KIAA1549: variants seen among roughly 807,000 people sequenced by gnomAD.
The protein encoded by KIAA1549 is UPF0606 protein KIAA1549.
In KIAA1549, 70 loss-of-function variants were observed where a neutral mutation model predicts 156.4. The ratio of observed to expected loss-of-function variants is 0.45; its 90% CI spans 0.37 to 0.55. The LOEUF (loss-of-function observed/expected upper bound fraction) is 0.55, where lower values mean the gene tolerates loss of function less well. KIAA1549 is among the 20% of genes least tolerant of loss of function. KIAA1549 has a pLI of 0.00. For missense variants in KIAA1549, 2,428 were observed against 2,540.9 expected, an observed-to-expected ratio of 0.96 and a Z score of 0.96; for synonymous variants, 1,103 against 1,066.4, an observed-to-expected ratio of 1.03 and a Z score of -0.67.
chr7:138,871,322 T>C lies in KIAA1549; in HGVS notation c.4386A>G (p.Ser1462=). ...TGTCCACGTGCTCGAAGATGGAGGC[T>C]GATGAGTGCTGCTCATTTCCCGAAC... ...LPSSGNEQHS[S]ASIFEHVDRI... Residue 1462 remains serine (S), a synonymous_variant, in exon 13 of 20, where the codon TCA becomes TCG. Coordinates refer to ENST00000422774, the MANE Select transcript of KIAA1549 (RefSeq NM_001164665.2). The C allele has an allele frequency of 6.3e-7, 1 of 1,595,558 alleles. No homozygotes were observed. Among genetic ancestry groups the C allele is most frequent in the Non-Finnish European group, 8.5e-7 (1 of 1,170,742 alleles).
chr7:138,890,752 G>A (rs1404782784), intron 10 of KIAA1549, among the ~76,000 whole-genome samples: 1 of 152,218 alleles, frequency 6.6e-6, no homozygotes, highest in African/African-American at 2.4e-5. Flanking sequence ...TCAATTCACT[G>A]TCCATACTGC....
At chr7:138,976,724 G>C (rs1458740053) in intron 1 of KIAA1549, among the ~76,000 whole-genome samples, 2 of 152,198 alleles carry the variant, frequency 1.3e-5, no homozygotes, top group African/African-American at 4.8e-5. Context: ...CAGATAAGGA[G>C]GGACTACTAT....
In KIAA1549 at chr7:138,844,249, C is replaced by T. The variant is rs185338056; in HGVS notation, c.5452+68G>A. 4.5e-4 allele frequency: 706 copies of T among 1,584,254 alleles called. 9 individuals are homozygous for T. In the East Asian group the frequency reaches 0.013, roughly 29 times the overall value. Reference sequence around the variant, plus strand: ...TCTGCACACTGACACTCTGAGACACCTAAAATAAAGTTTCTTTCAAGTAAA... The same window carrying T: ...TCTGCACACTGACACTCTGAGACACTTAAAATAAAGTTTCTTTCAAGTAAA... On this transcript the variant is annotated intron_variant, in intron 18 of 19. Transcript: ENST00000422774.
chr7:138,886,275 A>C (rs1811388221), intron 10 of KIAA1549, among the ~76,000 whole-genome samples: 2 of 152,002 alleles, frequency 1.3e-5, no homozygotes, highest in South Asian at 4.1e-4. Context: ...TCTGTGACCT[A>C]AGGTCTTTTT....
At chr7:138,910,679 T>C (rs1388770543) in intron 4 of KIAA1549, among the ~76,000 whole-genome samples, 1 of 150,846 alleles carries the variant, frequency 6.6e-6, no homozygotes, top group Non-Finnish European at 1.5e-5. Context: ...ATTACAGGCA[T>C]GAGCCATCGC....
intron 1 of KIAA1549, among the ~76,000 whole-genome samples, chr7:138,923,852 A>G (rs977042670): frequency 3.9e-5 from 6 of 152,218 alleles, no homozygotes; most frequent in Admixed American, 6.5e-5. Context: ...TGTAAATAAT[A>G]TTTAGTGCCA....
At chr7:138,946,721 G>C (rs1813348104) in intron 1 of KIAA1549, among the ~76,000 whole-genome samples, 1 of 152,206 alleles carries the variant, frequency 6.6e-6, no homozygotes, top group Non-Finnish European at 1.5e-5. Flanking sequence ...AGAAGTTGCA[G>C]TGAGCCGAGA....
chr7:138,872,145 C>T (rs1810954151), intron 12 of KIAA1549, among the ~76,000 whole-genome samples: 1 of 151,982 alleles, frequency 6.6e-6, no homozygotes, highest in Non-Finnish European at 1.5e-5. Context: ...CAAGGTTTCA[C>T]GATATTGTCC....
intron 1 of KIAA1549, among the ~76,000 whole-genome samples, chr7:138,951,331 T>G (rs1321826256): frequency 6.6e-6 from 1 of 152,092 alleles, no homozygotes; most frequent in Non-Finnish European, 1.5e-5. Flanking sequence ...CTCCCACTTC[T>G]TTAGATCTCT....
rs1809568504 is a variant in KIAA1549, at chr7:138,832,562, A to C, written c.*5344T>G. 1 of 203,538 alleles carries C rather than the reference A, an allele frequency of 4.9e-6. No homozygotes were observed. Among genetic ancestry groups the C allele is most frequent in the Non-Finnish European group, 1.0e-5 (1 of 99,230 alleles). The allele number at this position is 203,538 out of a possible 1,614,324, so 12.6% of individuals were successfully genotyped here. On this transcript the variant is annotated 3_prime_UTR_variant, in exon 20 of 20. Transcript: ENST00000422774. ...AAAACCTGGAGGAAGAAGGAAAAGG[A>C]AGGATCCTGGATAATTATCTACCCT...
At chr7:138,908,638 AC>A (rs1812076307) in intron 5 of KIAA1549, among the ~76,000 whole-genome samples, 1 of 152,146 alleles carries the variant, frequency 6.6e-6, no homozygotes, top group Non-Finnish European at 1.5e-5. Flanking sequence ...TACGTACAAC[AC>A]CCGTTCTTAG....
intron 1 of KIAA1549, among the ~76,000 whole-genome samples, chr7:138,941,472 C>A (rs1813182128): frequency 6.6e-6 from 1 of 152,204 alleles, no homozygotes; most frequent in South Asian, 2.1e-4. Context: ...AACCTTAAGA[C>A]ACGATGGTTA....
chr7:138,953,879 G>A (rs536972242), intron 1 of KIAA1549, among the ~76,000 whole-genome samples: 4 of 152,204 alleles, frequency 2.6e-5, no homozygotes, highest in Non-Finnish European at 4.4e-5. Context: ...ATCTGAAATC[G>A]GGGTGAATCT....
rs531536541 is a variant in KIAA1549, at chr7:138,871,072, C to G, written c.4551+85G>C. On this transcript the variant is annotated intron_variant, in intron 13 of 19. Transcript: ENST00000422774. ...CCTCAGGCGATCTGCCTGCCTTGGC[C>G]CCCCCAAGTGCTGGGATTACAGGCA... 178 of 1,250,994 alleles carry G rather than the reference C, an allele frequency of 1.4e-4. No individual in the cohort carries two copies. In the East Asian group the frequency reaches 4.0e-3, roughly 28 times the overall value. The allele number at this position is 1,250,994 out of a possible 1,614,324, so 77.5% of individuals were successfully genotyped here.
chr7:138,917,815 G>C lies in KIAA1549; in HGVS notation c.1811C>G (p.Ser604Cys). ...AGAAAAACTGGAACGTTCTTGGTCA[G>C]AGAAAAGTGAAGACTCCACTGAAGG... Reference protein sequence around the residue: ...LVPSVESSLFSDQERSSFSEH... With the variant: ...LVPSVESSLFCDQERSSFSEH... Residue 604 changes from serine to cysteine, a missense_variant, in exon 2 of 20, where the codon TCT becomes TGT. Transcript: ENST00000422774. 6.3e-7 allele frequency: 1 copy of C among 1,594,550 alleles called. No individual in the cohort carries two copies. The highest frequency in any genetic ancestry group is 8.5e-7 in the Non-Finnish European group (1 of 1,170,474).
At chr7:138,945,804 G>A (rs1297666722) in intron 1 of KIAA1549, among the ~76,000 whole-genome samples, 4 of 152,254 alleles carry the variant, frequency 2.6e-5, no homozygotes, top group Admixed American at 6.5e-5. Flanking sequence ...GCTCACGCCT[G>A]TAATCCTAGT....
chr7:138,844,234 G>T, intron 18 of KIAA1549, 83 bp downstream of exon 18: 1 of 1,496,170 alleles, frequency 6.7e-7, no homozygotes, highest in South Asian at 1.2e-5. Context: ...TCTGCACACT[G>T]ACACTCTGAG....
rs1010600932 is a variant in KIAA1549 at position 138,949,685 on chromosome 7, A to G, written c.188-30247T>C. Among the ~76,000 whole-genome samples, 5 of 106,508 alleles carry G rather than the reference A, an allele frequency of 4.7e-5. No homozygotes were observed. The African/African-American group carries it at 5.1e-4, about 11-fold the overall frequency. 69.9% of individuals were successfully genotyped at this position (106,508 alleles called of 152,430 possible). A position where few individuals can be genotyped will look rare whatever the true frequency, so the allele number is the denominator to read the frequency against. ...GAGAGTACCAGGAAATGTTTGCCTC[A>G]AGGTTAAAAAATTCCTAAAGTCACC... On this transcript the variant is annotated intron_variant, in intron 1 of 19. Coordinates refer to ENST00000422774, the MANE Select transcript of KIAA1549 (RefSeq NM_001164665.2).
rs1488744830 is a variant in KIAA1549 at position 138,861,276 on chromosome 7, G to C, written c.5110C>G (p.Pro1704Ala). 6.2e-7 allele frequency: 1 copy of C among 1,608,232 alleles called. No homozygotes were observed. The highest frequency in any genetic ancestry group is 2.2e-5 in the East Asian group (1 of 44,856). Residue 1704 changes from proline to alanine, a missense_variant, in exon 16 of 20, where the codon CCT (proline) becomes GCT (alanine). Physicochemically the swap from Pro to Ala is conservative, Grantham distance 27 (BLOSUM62 -1). Around this residue, in one of 5 missense-constraint regions of KIAA1549, gnomAD observed 363 missense variants for 354.0 expected, o/e 1.03. Transcript: ENST00000422774. ...GGGCCTACACCTGCGGTGCTGGCAG[G>C]CTGGCTGCTGGGGGCCACGAGGGCA... ...AFALVAPSSQ[P>A]ASTAGVGPGV...
Sources: gnomAD v4.1 joint callset for allele counts (sites outside exome capture counted in the v4.1 genomes callset) on GRCh38, gnomAD v4.1.1 for gene constraint, gnomAD v4.1.1 regional missense constraint, MANE v1.5 for transcripts, NCBI Gene and HGNC (gene_info 2026-07-23, HGNC 2026-07-21) for gene names.